The following NYAP2 variants were observed in gnomAD, a reference collection of about 807,000 sequenced individuals.
The protein encoded by NYAP2 is neuronal tyrosine-phosphorylated phosphoinositide-3-kinase adaptor 2.
NYAP2 carries 23 observed loss-of-function variants against 50.4 expected under a neutral mutation model. That is an observed-to-expected ratio of 0.46 (90% CI 0.33 to 0.65). NYAP2 has a LOEUF of 0.65. Ranked by LOEUF, NYAP2 falls within the 30% of genes least tolerant of loss-of-function variation. The pLI is 0.02. For synonymous variants in NYAP2, 394 were observed against 365.2 expected (o/e 1.08, Z -0.90); for missense variants, 885 against 861.0 (o/e 1.03, Z -0.35).
intron 3 of NYAP2, among the ~76,000 whole-genome samples, chr2:225,439,586 A>G (rs1015462886): frequency 6.6e-6 from 1 of 152,188 alleles, no homozygotes; most frequent in Non-Finnish European, 1.5e-5. Flanking sequence ...ATGTTTCATG[A>G]GTCCGTTTTC....
In NYAP2 at chr2:225,647,967, T is replaced by G. The variant is rs533437599; in HGVS notation, c.1829-3465T>G. Among the ~76,000 whole-genome samples, 4 of 77,766 alleles carry G rather than the reference T, an allele frequency of 5.1e-5. No individual in the cohort carries two copies. The East Asian group carries it at 9.0e-4, about 17-fold the overall frequency. 51.0% of individuals were successfully genotyped at this position (77,766 alleles called of 152,430 possible). ...CAAATTATATATATATGTGTGTGCA[T>G]ACATATGTGTGTGTGCATATGTATG... On this transcript the variant is annotated intron_variant, in intron 6 of 6. Coordinates refer to ENST00000636099, the Ensembl canonical transcript of NYAP2.
chr2:225,479,830 A>G (rs1690176459), intron 3 of NYAP2, among the ~76,000 whole-genome samples: 1 of 152,100 alleles, frequency 6.6e-6, no homozygotes, highest in African/African-American at 2.4e-5. Flanking sequence ...AATTTCATCA[A>G]ATTTGTACCA....
In NYAP2 at chr2:225,582,864, G is replaced by T. The variant is rs1692320539; in HGVS notation, c.1447G>T (p.Asp483Tyr). Residue 483 changes from aspartate (D) to tyrosine (Y), a missense_variant, in exon 5 of 7, where the codon GAT becomes TAT. Coordinates refer to ENST00000636099, the Ensembl canonical transcript of NYAP2. The surrounding 1 kb of genome is among the most constrained non-coding windows in gnomAD (Gnocchi z 7.0). Reference sequence around the variant, plus strand: ...CTCGACCCCCAGACCCGTGTCGCAAGATGGGGCCAAGATGGTCAACGCCGC... The same window carrying T: ...CTCGACCCCCAGACCCGTGTCGCAATATGGGGCCAAGATGGTCAACGCCGC... 4 of 1,613,690 alleles carry T rather than the reference G, an allele frequency of 2.5e-6. No homozygotes were observed. The highest frequency in any genetic ancestry group is 3.4e-6 in the Non-Finnish European group (4 of 1,179,892).
At chr2:225,514,200 T>C (rs917432987) in intron 4 of NYAP2, among the ~76,000 whole-genome samples, 23 of 152,224 alleles carry the variant, frequency 1.5e-4, no homozygotes, top group African/African-American at 5.5e-4. Context: ...TTCTCAGCTA[T>C]GAAACATACA....
At chr2:225,434,219 C>T (rs140212661) in intron 3 of NYAP2, among the ~76,000 whole-genome samples, 17 of 152,294 alleles carry the variant, frequency 1.1e-4, no homozygotes, top group Non-Finnish European at 2.4e-4. Context: ...TGTCCAGCGG[C>T]GTCAGAGACA....
chr2:225,553,622 G>A (rs974194423), intron 4 of NYAP2, among the ~76,000 whole-genome samples: 2 of 152,200 alleles, frequency 1.3e-5, no homozygotes, highest in African/African-American at 2.4e-5. Flanking sequence ...TCGGACAAGT[G>A]TTCTTTATTT....
At chr2:225,533,537 C>T (rs1168204456) in intron 4 of NYAP2, among the ~76,000 whole-genome samples, 4 of 151,900 alleles carry the variant, frequency 2.6e-5, no homozygotes, top group Non-Finnish European at 5.9e-5. Context: ...AAATACAAAA[C>T]AAATAGCTGG....
chr2:225,542,837 T>C (rs1488488807), intron 4 of NYAP2, among the ~76,000 whole-genome samples: 1 of 152,108 alleles, frequency 6.6e-6, no homozygotes, highest in Non-Finnish European at 1.5e-5. Context: ...TTGAGTGGAA[T>C]TGGTATTAGT....
chr2:225,675,896 C>T, the NYAP2 span, among the ~76,000 whole-genome samples: 6 of 152,032 alleles, frequency 3.9e-5, no homozygotes, highest in Admixed American at 2.6e-4. Flanking sequence ...TGATGATTAG[C>T]GATCTTAAAC....
rs529526621 is a variant in NYAP2, at chr2:225,514,971, C to T, written c.523+1299C>T. ...AAGCCCCTTGGCCTTCTGGCCTAAT[C>T]TTTCCACAGATTCTCATAGGCAGTC... On this transcript the variant is annotated intron_variant, in intron 4 of 6. Transcript: ENST00000636099. 1.1e-4 allele frequency among the ~76,000 whole-genome samples: 16 copies of T among 152,312 alleles called. No individual in the cohort carries two copies. The South Asian group carries it at 2.9e-3, about 28-fold the overall frequency.
intron 3 of NYAP2, among the ~76,000 whole-genome samples, chr2:225,467,252 C>A (rs1169992264): frequency 2.6e-5 from 4 of 152,178 alleles, no homozygotes; most frequent in African/African-American, 7.2e-5. Context: ...CCTCTTAGTG[C>A]ACATGTGTGA....
downstream of NYAP2, among the ~76,000 whole-genome samples, chr2:225,658,608 T>G (rs1693863437): frequency 6.6e-6 from 1 of 152,178 alleles, no homozygotes; most frequent in African/African-American, 2.4e-5. Flanking sequence ...GTGCAAAAAA[T>G]ATATAAAAAG....
At chr2:225,595,838 T>G (rs557608900) in intron 5 of NYAP2, among the ~76,000 whole-genome samples, 1 of 152,296 alleles carries the variant, frequency 6.6e-6, no homozygotes, top group African/African-American at 2.4e-5. Flanking sequence ...TGTGCTGTAC[T>G]TGCTGCCTCC....
chr2:225,575,422 T>C (rs1320089967), intron 4 of NYAP2, among the ~76,000 whole-genome samples: 1 of 152,190 alleles, frequency 6.6e-6, no homozygotes. Flanking sequence ...CAAAATTCTG[T>C]GGGTTAAAAT....
the NYAP2 span, among the ~76,000 whole-genome samples, chr2:225,662,201 G>A: frequency 2.0e-5 from 3 of 152,200 alleles, no homozygotes; most frequent in Non-Finnish European, 4.4e-5. Context: ...AATCTCCAAA[G>A]TTGACATGAG....
chr2:225,677,287 T>C, the NYAP2 span, among the ~76,000 whole-genome samples: 1 of 152,186 alleles, frequency 6.6e-6, no homozygotes, highest in Non-Finnish European at 1.5e-5. Flanking sequence ...CCTAAAGTTA[T>C]TTATCAGTTC....
downstream of NYAP2, among the ~76,000 whole-genome samples, chr2:225,654,203 T>C (rs1187627355): frequency 6.6e-6 from 1 of 152,116 alleles, no homozygotes; most frequent in Non-Finnish European, 1.5e-5. Context: ...AATCTAACAA[T>C]GACTACTCAT....
rs1428441629 is a variant in NYAP2 at position 225,526,279 on chromosome 2, T to A, written c.523+12607T>A. ...TCAAAAAATAATCCATCATACAAAGTTTCTAGACAGAGAAAAGCAACTTAG... is the reference window on the plus strand; with the variant it reads ...TCAAAAAATAATCCATCATACAAAGATTCTAGACAGAGAAAAGCAACTTAG... On this transcript the variant is annotated intron_variant, in intron 4 of 6. Coordinates refer to ENST00000636099, the Ensembl canonical transcript of NYAP2. Among the ~76,000 whole-genome samples the A allele has an allele frequency of 2.6e-5, 4 of 152,158 alleles. No individual in the cohort carries two copies. The East Asian group carries it at 7.7e-4, about 29-fold the overall frequency.
At position 225,437,945 on chromosome 2, in the gene NYAP2, A is replaced by G. The variant is rs115968440; in HGVS notation, c.221+28844A>G. Among the ~76,000 whole-genome samples the G allele has an allele frequency of 6.9e-3, 1,056 of 152,278 alleles. 11 individuals are homozygous for G. Among genetic ancestry groups the G allele is most frequent in the African/African-American group, 0.024 (1,000 of 41,556 alleles). The stretch of plus-strand genomic sequence containing the variant: ...GACCAGATCATGATAAAGCTTCACC[A>G]GTTACTCTGCCTAACAATGATCTCT... On this transcript the variant is annotated intron_variant, in intron 3 of 6. Transcript: ENST00000636099.
Sources: gnomAD v4.1 joint callset for allele counts (sites outside exome capture counted in the v4.1 genomes callset) on GRCh38, gnomAD v4.1.1 for gene constraint, Gnocchi (gnomAD v3.1) non-coding constraint, MANE v1.5 for transcripts, NCBI Gene and HGNC (gene_info 2026-07-23, HGNC 2026-07-21) for gene names.